EYA4: variants seen among roughly 807,000 people sequenced by gnomAD.
The protein encoded by EYA4 is protein phosphatase EYA4.
Under a neutral mutation model 87.9 loss-of-function variants are expected in EYA4, and 31 were observed. That is an observed-to-expected ratio of 0.35 (90% CI 0.27 to 0.48). The LOEUF (loss-of-function observed/expected upper bound fraction) is 0.48, where lower values mean the gene tolerates loss of function less well. Among genes scored for constraint, EYA4 ranks in the 20% least tolerant of loss-of-function variants. The pLI, the probability that EYA4 is intolerant of heterozygous loss-of-function variation, is 0.99. For missense variants in EYA4, 678 were observed against 761.4 expected (o/e 0.89, Z 1.29); for synonymous variants, 263 against 270.6 (o/e 0.97, Z 0.28).
At chr6:133,475,310 C>T (rs529849709) in intron 11 of EYA4, among the ~76,000 whole-genome samples, 11 of 152,046 alleles carry the variant, frequency 7.2e-5, no homozygotes, top group Admixed American at 3.9e-4. Context: ...CAGATTTGCA[C>T]ATGAAGATGA....
intron 2 of EYA4, among the ~76,000 whole-genome samples, chr6:133,371,486 A>G (rs1785262811): frequency 6.6e-6 from 1 of 152,206 alleles, no homozygotes; most frequent in South Asian, 2.1e-4. Flanking sequence ...AACCACTAAA[A>G]TGTTACTTAT....
intron 2 of EYA4, among the ~76,000 whole-genome samples, chr6:133,278,250 G>T (rs1582827057): frequency 6.6e-6 from 1 of 152,020 alleles, no homozygotes; most frequent in East Asian, 1.9e-4. Context: ...CTCAGTTTAG[G>T]TTTCCATCCC....
chr6:133,394,302 TTTTTTTTTTTTTTTTTGGTCATCGAATGA>T (rs1787595954), intron 3 of EYA4, among the ~76,000 whole-genome samples: 1 of 145,260 alleles, frequency 6.9e-6, no homozygotes, highest in Admixed American at 6.9e-5. Flanking sequence ...TTTTTTTTTT[TTTTTTTTTTTTTTTTTGGTCATCGAATGA>T]TTTAATCCAC....
intron 3 of EYA4, among the ~76,000 whole-genome samples, chr6:133,423,459 T>G (rs1283781274): frequency 5.3e-5 from 8 of 152,190 alleles, no homozygotes; most frequent in Admixed American, 5.2e-4. Context: ...CGTTTGACCT[T>G]TATTTGATTT....
intron 2 of EYA4, among the ~76,000 whole-genome samples, chr6:133,282,583 T>C (rs1215413545): frequency 9.4e-6 from 1 of 106,846 alleles, no homozygotes; most frequent in East Asian, 2.9e-4. Flanking sequence ...GACACATATG[T>C]GTGTGTATAT....
chr6:133,254,595 G>A (rs923462884), intron 1 of EYA4, among the ~76,000 whole-genome samples: 4 of 152,112 alleles, frequency 2.6e-5, no homozygotes, highest in Non-Finnish European at 5.9e-5. Flanking sequence ...ATTAAATTAA[G>A]ATTATTGTTT....
chr6:133,517,095 T>C (rs6921393), intron 17 of EYA4, among the ~76,000 whole-genome samples: 29,365 of 152,094 alleles, frequency 0.19, 3,403 homozygotes, highest in African/African-American at 0.31. Flanking sequence ...TTCGCCACAC[T>C]GCCTTCCACA....
At chr6:133,366,675 G>T (rs1232143376) in intron 2 of EYA4, among the ~76,000 whole-genome samples, 1 of 152,192 alleles carries the variant, frequency 6.6e-6, no homozygotes, top group African/African-American at 2.4e-5. Context: ...TTATACAGTG[G>T]CATGGACATG....
chr6:133,515,169 G>A (rs370032001), intron 16 of EYA4, 152 bp from the exon 17 acceptor site: 3 of 677,532 alleles, frequency 4.4e-6, no homozygotes, highest in South Asian at 1.5e-5. Flanking sequence ...ATTCAGAAAC[G>A]AAGGATCAAT....
intron 3 of EYA4, among the ~76,000 whole-genome samples, chr6:133,414,960 TCTGGAGC>T (rs1040595477): frequency 2.0e-5 from 3 of 152,156 alleles, no homozygotes; most frequent in Non-Finnish European, 4.4e-5. Context: ...AATAAGCATT[TCTGGAGC>T]CTTTATTTTA....
At chr6:133,525,982 G>C in intron 19 of EYA4, 9 of 908,284 alleles carry the variant, frequency 9.9e-6, no homozygotes, top group Non-Finnish European at 1.1e-5. Flanking sequence ...AGCTGGCTTT[G>C]AACACATTCA....
rs1393948781 is a variant in EYA4 at position 133,468,976 on chromosome 6, T to A, written c.970+245T>A. Among the ~76,000 whole-genome samples, 3 of 152,026 alleles carry A rather than the reference T, an allele frequency of 2.0e-5. No homozygotes were observed. In the East Asian group the frequency reaches 5.8e-4, roughly 29 times the overall value. ...GGTGTACATATGAATATGGAGCTTT[T>A]GCCAGACTCATTATTCATTTGTGAA... On this transcript the variant is annotated intron_variant, in intron 11 of 19. Coordinates refer to ENST00000355286, the MANE Select transcript of EYA4 (RefSeq NM_004100.5).
intron 13 of EYA4, 99 bp from the exon 14 acceptor site, chr6:133,506,007 T>A: frequency 1.3e-6 from 1 of 784,406 alleles, no homozygotes; most frequent in South Asian, 1.4e-5. Context: ...ACCCATGCAG[T>A]CTTCTCCCTC....
intron 7 of EYA4, chr6:133,462,024 G>C (rs1794436818): frequency 2.5e-6 from 1 of 394,900 alleles, no homozygotes; most frequent in Admixed American, 3.7e-5. Flanking sequence ...TAACTGGAGT[G>C]CTATTTCAGA....
chr6:133,357,857 GT>G (rs576953803), intron 2 of EYA4, among the ~76,000 whole-genome samples: 1 of 151,746 alleles, frequency 6.6e-6, no homozygotes, highest in South Asian at 2.1e-4. Context: ...GGGAAAAATA[GT>G]TTTTTTATAT....
chr6:133,404,912 C>T (rs971455204), intron 3 of EYA4, among the ~76,000 whole-genome samples: 4 of 152,190 alleles, frequency 2.6e-5, no homozygotes, highest in East Asian at 3.9e-4. Flanking sequence ...TCAACATCTA[C>T]GATTTCATTC....
At chr6:133,436,777 T>G (rs1791725978) in intron 3 of EYA4, among the ~76,000 whole-genome samples, 1 of 152,156 alleles carries the variant, frequency 6.6e-6, no homozygotes, top group Non-Finnish European at 1.5e-5. Flanking sequence ...TGAGTGGGAG[T>G]GTTTGAACAT....
intron 1 of EYA4, among the ~76,000 whole-genome samples, chr6:133,244,659 T>G (rs1338198964): frequency 1.3e-5 from 2 of 151,652 alleles, no homozygotes; most frequent in African/African-American, 4.8e-5. Flanking sequence ...AGTACTCCAT[T>G]TCTAAGAGTT....
intron 17 of EYA4, among the ~76,000 whole-genome samples, chr6:133,517,347 AC>A (rs1436036768): frequency 1.3e-5 from 2 of 152,124 alleles, no homozygotes; most frequent in African/African-American, 4.8e-5. Flanking sequence ...TATGTAACCA[AC>A]CTGCCCTTGT....
Sources: gnomAD v4.1 joint callset for allele counts (sites outside exome capture counted in the v4.1 genomes callset) on GRCh38, gnomAD v4.1.1 for gene constraint, MANE v1.5 for transcripts, NCBI Gene and HGNC (gene_info 2026-07-23, HGNC 2026-07-21) for gene names.